Variants in CPNE4 observed in about 807,000 individuals in gnomAD.
The protein encoded by CPNE4 is copine 4, also known as copine-4.
Under a neutral mutation model 67.9 loss-of-function variants are expected in CPNE4, and 25 were observed. The ratio of observed to expected loss-of-function variants is 0.37; its 90% confidence interval spans 0.27 to 0.51. The LOEUF (loss-of-function observed/expected upper bound fraction) is 0.51. CPNE4 is among the 20% of genes least tolerant of loss of function. CPNE4 has a pLI of 0.93. For missense variants in CPNE4, 464 were observed against 690.8 expected (o/e 0.67, Z 3.68); for synonymous variants, 242 against 244.9 (o/e 0.99, Z 0.11).
intron 7 of CPNE4, among the ~76,000 whole-genome samples, chr3:131,616,295 C>T (rs533041557): frequency 1.9e-4 from 29 of 152,238 alleles, no homozygotes; most frequent in African/African-American, 6.5e-4. Context: ...AGAATAAATG[C>T]GAACCTCTGC....
chr3:131,717,586 T>C (rs976559591), intron 3 of CPNE4, among the ~76,000 whole-genome samples: 3 of 152,180 alleles, frequency 2.0e-5, no homozygotes, highest in African/African-American at 7.2e-5. Flanking sequence ...CTGGGCAAGA[T>C]TGATTTCCCC....
intron 1 of CPNE4, among the ~76,000 whole-genome samples, chr3:131,970,232 C>A (rs1044366449): frequency 1.3e-5 from 2 of 152,182 alleles, no homozygotes; most frequent in African/African-American, 4.8e-5. Context: ...TGTGTCTCTG[C>A]ATAACTTCAG....
At chr3:131,957,955 G>A (rs1450983782) in intron 1 of CPNE4, among the ~76,000 whole-genome samples, 1 of 152,208 alleles carries the variant, frequency 6.6e-6, no homozygotes, top group Non-Finnish European at 1.5e-5. Context: ...AAGGATGTAA[G>A]CTAGAGACAG....
At chr3:131,564,787 G>A (rs557941289) in intron 10 of CPNE4, among the ~76,000 whole-genome samples, 155 of 152,182 alleles carry the variant, frequency 1.0e-3, no homozygotes, top group Non-Finnish European at 1.2e-3. Flanking sequence ...TAAAGATACA[G>A]TCTTCATACC....
intron 14 of CPNE4, among the ~76,000 whole-genome samples, chr3:131,545,778 T>G (rs1402244851): frequency 6.6e-6 from 1 of 152,158 alleles, no homozygotes; most frequent in African/African-American, 2.4e-5. Context: ...TTAAAAATAC[T>G]TCTGGCTGGG....
chr3:131,998,663 A>G (rs2073355249), intron 1 of CPNE4, among the ~76,000 whole-genome samples: 1 of 152,066 alleles, frequency 6.6e-6, no homozygotes, highest in Non-Finnish European at 1.5e-5. Context: ...CTATTTATTC[A>G]TCTCTCAAAT....
At chr3:131,837,278 C>T (rs1285474013) in intron 2 of CPNE4, among the ~76,000 whole-genome samples, 2 of 152,080 alleles carry the variant, frequency 1.3e-5, no homozygotes, top group Non-Finnish European at 2.9e-5. Flanking sequence ...ATGTTCATCA[C>T]CTCAAACTGG....
chr3:131,807,038 C>A (rs1269318195), intron 2 of CPNE4, among the ~76,000 whole-genome samples: 2 of 152,108 alleles, frequency 1.3e-5, no homozygotes, highest in African/African-American at 4.8e-5. Flanking sequence ...GGACAAGGGA[C>A]CTGCATTTGT....
chr3:131,853,639 T>G (rs959172935), intron 2 of CPNE4, among the ~76,000 whole-genome samples: 19 of 151,912 alleles, frequency 1.3e-4, no homozygotes, highest in Non-Finnish European at 5.9e-5. Context: ...AGGCAGGCCA[T>G]TGAATCAATA....
intron 9 of CPNE4, among the ~76,000 whole-genome samples, chr3:131,578,038 TACAC>T (rs926945767): frequency 6.6e-6 from 1 of 151,918 alleles, no homozygotes; most frequent in Admixed American, 6.6e-5. Context: ...GGTGTGTGTA[TACAC>T]ACACACACAT....
At chr3:131,977,768 G>A (rs777269837) in intron 1 of CPNE4, among the ~76,000 whole-genome samples, 1 of 151,470 alleles carries the variant, frequency 6.6e-6, no homozygotes, top group Non-Finnish European at 1.5e-5. Context: ...GTGAGATTTT[G>A]GTGCACCCAT....
chr3:131,853,930 C>A (rs1379632621), intron 2 of CPNE4, among the ~76,000 whole-genome samples: 2 of 151,880 alleles, frequency 1.3e-5, no homozygotes. Flanking sequence ...ATCTCGTTCA[C>A]TTTTGCAGGG....
chr3:131,807,239 A>G (rs563312985), intron 2 of CPNE4, among the ~76,000 whole-genome samples: 8 of 152,336 alleles, frequency 5.3e-5, no homozygotes, highest in African/African-American at 1.9e-4. Context: ...CCTTGCCCCA[A>G]GCCAGACACT....
intron 1 of CPNE4, among the ~76,000 whole-genome samples, chr3:132,013,056 C>A (rs140213259): frequency 6.6e-6 from 1 of 152,222 alleles, no homozygotes; most frequent in African/African-American, 2.4e-5. Flanking sequence ...AACCCCATCT[C>A]TACTAAAAAT....
chr3:131,987,635 C>G (rs565537576), intron 1 of CPNE4, among the ~76,000 whole-genome samples: 2 of 151,980 alleles, frequency 1.3e-5, no homozygotes, highest in East Asian at 3.9e-4. Context: ...TGATCCACCC[C>G]CCTTGGCCTC....
chr3:131,895,384 AT>A lies in CPNE4; in HGVS notation c.180+9879del, dbSNP rs370806570. 2.6e-3 allele frequency among the ~76,000 whole-genome samples: 391 copies of A among 152,184 alleles called. 1 individual carries two copies. Among genetic ancestry groups the A allele is most frequent in the South Asian group, 9.9e-3 (48 of 4,828 alleles). ...TTTGAAAATTCTAACCACAAAATAA[AT>A]GATAAATGCATGAGATGAAGCATAT... On this transcript the variant is annotated intron_variant, in intron 2 of 15. Coordinates refer to ENST00000429747, the MANE Select transcript of CPNE4 (RefSeq NM_130808.3).
intron 2 of CPNE4, among the ~76,000 whole-genome samples, chr3:131,869,194 G>A (rs561601689): frequency 1.8e-4 from 28 of 152,022 alleles, no homozygotes; most frequent in Middle Eastern, 3.4e-3. Flanking sequence ...TAAACACCTG[G>A]ACAAATCTTA....
chr3:131,972,093 T>C (rs1270598116), intron 1 of CPNE4, among the ~76,000 whole-genome samples: 1 of 151,856 alleles, frequency 6.6e-6, no homozygotes, highest in Non-Finnish European at 1.5e-5. Flanking sequence ...ATTATAAAAC[T>C]TCTTATCTTC....
At chr3:131,726,624 T>C (rs1197502306) in intron 2 of CPNE4, among the ~76,000 whole-genome samples, 1 of 151,154 alleles carries the variant, frequency 6.6e-6, no homozygotes, top group Non-Finnish European at 1.5e-5. Flanking sequence ...GGGCCTAGGA[T>C]TGTTCATTTC....
Sources: allele counts gnomAD v4.1 joint callset (sites outside exome capture counted in the v4.1 genomes callset), GRCh38; gene constraint gnomAD v4.1.1; transcripts MANE v1.5; gene names NCBI Gene and HGNC (gene_info 2026-07-23, HGNC 2026-07-21).